Variants in TYW1B observed in about 807,000 individuals in gnomAD.
TYW1B encodes the protein tRNA-yW synthesizing protein 1 homolog B, also known as S-adenosyl-L-methionine-dependent tRNA 4-demethylwyosine synthase TYW1B.
TYW1B carries 73 observed loss-of-function variants against 86.9 expected under a neutral mutation model. That is an observed-to-expected ratio of 0.84 (90% CI 0.70 to 1.02). The LOEUF (loss-of-function observed/expected upper bound fraction) is 1.02. TYW1B is among the 50% of genes least tolerant of loss of function. TYW1B has a pLI of 0.00. For missense variants in TYW1B, 637 were observed against 827.4 expected (o/e 0.77, Z 2.82); for synonymous variants, 248 against 292.8 (o/e 0.85, Z 1.56).
chr7:72,788,126 T>A (rs1788160292), intron 6 of TYW1B, among the ~76,000 whole-genome samples: 1 of 151,952 alleles, frequency 6.6e-6, no homozygotes, highest in Non-Finnish European at 1.5e-5. Context: ...TATAGGCGCC[T>A]GCCACCACAC....
intron 4 of TYW1B, among the ~76,000 whole-genome samples, chr7:72,808,591 G>A (rs1305921718): frequency 1.4e-5 from 2 of 144,036 alleles, no homozygotes; most frequent in African/African-American, 5.2e-5. Flanking sequence ...GCAATGGCAC[G>A]ACCTCGGCTC....
intron 6 of TYW1B, among the ~76,000 whole-genome samples, chr7:72,792,288 C>T (rs1327272496): frequency 6.6e-6 from 1 of 151,348 alleles, no homozygotes; most frequent in Non-Finnish European, 1.5e-5. Flanking sequence ...GATCACACTA[C>T]TACACTCCAG....
In TYW1B at chr7:72,635,513, C is replaced by T. The variant is rs186533811; in HGVS notation, c.1507-6516G>A. Among the ~76,000 whole-genome samples the T allele has an allele frequency of 6.9e-3, 1,053 of 152,238 alleles. 17 individuals are homozygous for T. The highest frequency in any genetic ancestry group is 0.025 in the African/African-American group (1,028 of 41,544). ...TCCTACAATGCACGGGACAGTCTCC[C>T]CAACCCTTTTCCTGAAAAGAACTAT... On this transcript the variant is annotated intron_variant, in intron 11 of 13. Transcript: ENST00000620995.
intron 10 of TYW1B, among the ~76,000 whole-genome samples, chr7:72,713,152 T>G (rs1286026966): frequency 7.7e-6 from 1 of 129,942 alleles, no homozygotes; most frequent in African/African-American, 2.7e-5. Flanking sequence ...AAAAAAAAAA[T>G]TAGCTGGGCA....
chr7:72,790,989 T>C (rs3973846), intron 6 of TYW1B, among the ~76,000 whole-genome samples: 44 of 151,778 alleles, frequency 2.9e-4, no homozygotes, highest in African/African-American at 9.4e-4. Flanking sequence ...AATCTTGGCA[T>C]ACCTGGGGCT....
At chr7:72,661,846 G>GTT (rs1335330204) in intron 11 of TYW1B, among the ~76,000 whole-genome samples, 1 of 151,766 alleles carries the variant, frequency 6.6e-6, no homozygotes, top group African/African-American at 2.4e-5. Flanking sequence ...GTTTTGTTTT[G>GTT]TTTTCCTGAT....
rs534414296 is a variant in TYW1B, at chr7:72,728,768, T to C, written c.1192+54A>G. 7.2e-6 allele frequency: 11 copies of C among 1,526,442 alleles called. No homozygotes were observed. In the East Asian group the frequency reaches 2.6e-4, roughly 36 times the overall value. 94.6% of individuals were successfully genotyped at this position (1,526,442 alleles called of 1,614,324 possible). A position where few individuals can be genotyped will look rare whatever the true frequency, so the allele number is the denominator to read the frequency against. ...CAAAGAGGCAATTCTTCTGCCAATC[T>C]GATTCAGACTATTAACAAGTATTAG... On this transcript the variant is annotated intron_variant, in intron 9 of 13. Transcript: ENST00000620995.
At chr7:72,807,665 TAAG>T (rs1240774136) in intron 4 of TYW1B, among the ~76,000 whole-genome samples, 1 of 152,148 alleles carries the variant, frequency 6.6e-6, no homozygotes, top group African/African-American at 2.4e-5. Flanking sequence ...TATATCATGA[TAAG>T]AACAAAACAG....
At chr7:72,737,079 T>C (rs1554461120) in intron 8 of TYW1B, among the ~76,000 whole-genome samples, 1 of 152,104 alleles carries the variant, frequency 6.6e-6, no homozygotes, top group African/African-American at 2.4e-5. Flanking sequence ...CTCAAGCAAT[T>C]AAGCCTTACA....
At chr7:72,671,441 C>G (rs1813599022) in intron 11 of TYW1B, among the ~76,000 whole-genome samples, 3 of 152,090 alleles carry the variant, frequency 2.0e-5, no homozygotes, top group Non-Finnish European at 2.9e-5. Flanking sequence ...AATGAATAAT[C>G]TTGTATATAT....
At chr7:72,697,031 T>TAAAAAA (rs781801843) in intron 10 of TYW1B, among the ~76,000 whole-genome samples, 9 of 137,952 alleles carry the variant, frequency 6.5e-5, no homozygotes, top group African/African-American at 1.9e-4. Context: ...GATTTCTACT[T>TAAAAAA]AAAAAAAAAA....
intron 12 of TYW1B, among the ~76,000 whole-genome samples, 187 bp from the exon 13 acceptor site, chr7:72,617,026 C>G (rs1205997683): frequency 6.6e-6 from 1 of 152,224 alleles, no homozygotes; most frequent in Non-Finnish European, 1.5e-5. Context: ...CTGACAAAGA[C>G]AGCAGGCTGA....
intron 10 of TYW1B, among the ~76,000 whole-genome samples, chr7:72,700,484 T>C (rs1390093861): frequency 6.6e-6 from 1 of 152,138 alleles, no homozygotes; most frequent in Non-Finnish European, 1.5e-5. Context: ...TTTCTTTGAT[T>C]TTCTAACAAC....
At chr7:72,620,547 G>A (rs1812189126) in intron 12 of TYW1B, among the ~76,000 whole-genome samples, 1 of 151,980 alleles carries the variant, frequency 6.6e-6, no homozygotes, top group African/African-American at 2.4e-5. Context: ...TTAGACTGGG[G>A]GTCACCTCAG....
intron 11 of TYW1B, among the ~76,000 whole-genome samples, chr7:72,638,714 A>C (rs1490866691): frequency 6.6e-6 from 1 of 152,242 alleles, no homozygotes; most frequent in Non-Finnish European, 1.5e-5. Context: ...AGAAAGAAAT[A>C]AAACGGTCTT....
chr7:72,600,866 A>C (rs1258607653), intron 13 of TYW1B, among the ~76,000 whole-genome samples: 3 of 152,024 alleles, frequency 2.0e-5, no homozygotes, highest in Admixed American at 6.6e-5. Flanking sequence ...TGTCTCTTAA[A>C]AAAAAAAGGG....
chr7:72,714,575 A>G lies in TYW1B; in HGVS notation c.1193-777T>C, dbSNP rs1353479367. Among the ~76,000 whole-genome samples the G allele has an allele frequency of 2.0e-5, 3 of 152,132 alleles. No homozygotes were observed. In the South Asian group the frequency reaches 6.2e-4, roughly 32 times the overall value. ...GAGATTGAGGCTGCAGTGAACCACT[A>G]TCATGCCACTGCACTCCAGCCTGGA... On this transcript the variant is annotated intron_variant, in intron 9 of 13. Coordinates refer to ENST00000620995, the MANE Select transcript of TYW1B (RefSeq NM_001145440.3).
At chr7:72,700,991 G>A (rs1327664928) in intron 10 of TYW1B, among the ~76,000 whole-genome samples, 6 of 151,994 alleles carry the variant, frequency 3.9e-5, no homozygotes, top group Non-Finnish European at 5.9e-5. Context: ...TTGAATCGGG[G>A]AGGCGGAGGT....
Position 72,667,031 on chromosome 7 carries a change from CAAAAAAAAA to C in TYW1B, c.1506+27647_1506+27655del, listed in dbSNP as rs60691255. Among the ~76,000 whole-genome samples the C allele has an allele frequency of 5.7e-4, 24 of 42,378 alleles. No individual in the cohort carries two copies. In the Admixed American group the frequency reaches 9.1e-3, roughly 16 times the overall value. The allele number at this position is 42,378 out of a possible 152,430, so 27.8% of individuals were successfully genotyped here. ...TGGGAGAGAGAGCGAGACTCCGTCT[CAAAAAAAAA>C]AAAAAAAAAAAGAAACTAAAACAGG... On this transcript the variant is annotated intron_variant, in intron 11 of 13. Coordinates refer to ENST00000620995, the MANE Select transcript of TYW1B (RefSeq NM_001145440.3).
Sources: gnomAD v4.1 joint callset for allele counts (sites outside exome capture counted in the v4.1 genomes callset) on GRCh38, gnomAD v4.1.1 for gene constraint, MANE v1.5 for transcripts, NCBI Gene and HGNC (gene_info 2026-07-23, HGNC 2026-07-21) for gene names.